ENPP3: variants seen among roughly 807,000 people sequenced by gnomAD.
ENPP3 encodes the protein ectonucleotide pyrophosphatase/phosphodiesterase family member 3.
ENPP3 carries 104 observed loss-of-function variants against 117.8 expected under a neutral mutation model. The observed-to-expected ratio is 0.88, with a 90% CI of 0.75 to 1.04. ENPP3 has a LOEUF of 1.04. Among genes scored for constraint, ENPP3 ranks in the 50% least tolerant of loss-of-function variants. The pLI is 0.00. For synonymous variants in ENPP3, 380 were observed against 349.9 expected (o/e 1.09, Z -0.96); for missense variants, 1,026 against 1,051.9 (o/e 0.98, Z 0.34).
At chr6:131,739,170 A>T (rs1780468481) in intron 23 of ENPP3, among the ~76,000 whole-genome samples, 1 of 152,256 alleles carries the variant, frequency 6.6e-6, no homozygotes, top group Non-Finnish European at 1.5e-5. Context: ...TGGTAAAGCC[A>T]GAATATGAAC....
intron 15 of ENPP3, among the ~76,000 whole-genome samples, chr6:131,701,894 A>AAAAG (rs779777076): frequency 1.4e-3 from 166 of 118,918 alleles, no homozygotes; most frequent in African/African-American, 3.9e-3. Flanking sequence ...GAAAAAAAAA[A>AAAAG]AAAAGAAAAG....
At chr6:131,737,949 T>C in intron 22 of ENPP3, 82 bp from the exon 23 acceptor site, 1 of 971,940 alleles carries the variant, frequency 1.0e-6, no homozygotes, top group Non-Finnish European at 1.5e-6. Context: ...TCATGTTATT[T>C]AAATGTACTT....
chr6:131,736,382 CAAAG>C lies in ENPP3; in HGVS notation c.2090-972_2090-969del, dbSNP rs1481938918. 2.6e-5 allele frequency among the ~76,000 whole-genome samples: 4 copies of C among 152,270 alleles called. No homozygotes were observed. The East Asian group carries it at 5.8e-4, about 22-fold the overall frequency. The stretch of plus-strand genomic sequence containing the variant: ...GATGCCTCACAATCATTAGGGAAGA[CAAAG>C]GAAGAGCAAAGAGATATCTTACATG... On this transcript the variant is annotated intron_variant, in intron 21 of 24. Coordinates refer to ENST00000357639, the MANE Select transcript of ENPP3 (RefSeq NM_005021.5).
Position 131,740,274 on chromosome 6 carries a change from T to C in ENPP3, c.2351T>C (p.Leu784Pro). Reference protein sequence around the residue: ...VPIPTHYFVVLTSCKNKSHTP... With the variant: ...VPIPTHYFVVPTSCKNKSHTP... ...ATCCCAACACACTACTTTGTGGTGC[T>C]GACCAGTTGTAAAAACAAGAGCCAC... The change falls in exon 24 of 25, where the codon CTG (leucine) becomes CCG (proline). Residue 784 changes from leucine (L) to proline (P), a missense_variant. Leu to Pro is a moderately conservative substitution (Grantham distance 98, BLOSUM62 -3). Transcript: ENST00000357639. 6.2e-7 allele frequency: 1 copy of C among 1,613,274 alleles called. No individual in the cohort carries two copies. Among genetic ancestry groups the C allele is most frequent in the Non-Finnish European group, 8.5e-7 (1 of 1,179,560 alleles).
At chr6:131,744,981 T>G (rs1487274018) in intron 24 of ENPP3, among the ~76,000 whole-genome samples, 1 of 152,170 alleles carries the variant, frequency 6.6e-6, no homozygotes, top group Non-Finnish European at 1.5e-5. Context: ...GTTAAATAGC[T>G]GAAGTATCGT....
chr6:131,684,168 C>T (rs1002507310), intron 12 of ENPP3, among the ~76,000 whole-genome samples: 54 of 152,224 alleles, frequency 3.5e-4, no homozygotes, highest in African/African-American at 1.3e-3. Context: ...TAAAGTCAAG[C>T]CCCAATATCT....
At chr6:131,725,974 G>A (rs1162290048) in intron 19 of ENPP3, 72 bp from the exon 20 acceptor site, 1 of 948,324 alleles carries the variant, frequency 1.1e-6, no homozygotes, top group African/African-American at 1.6e-5. Context: ...TTATTATATG[G>A]GTAGTTATTA....
At chr6:131,685,010 C>T (rs910539352) in intron 12 of ENPP3, among the ~76,000 whole-genome samples, 1 of 152,098 alleles carries the variant, frequency 6.6e-6, no homozygotes, top group Non-Finnish European at 1.5e-5. Context: ...GTCTTGAACT[C>T]CTGGCCTCAA....
chr6:131,651,728 T>C (rs1778267662), intron 3 of ENPP3, among the ~76,000 whole-genome samples: 1 of 152,194 alleles, frequency 6.6e-6, no homozygotes, highest in African/African-American at 2.4e-5. Flanking sequence ...TTCCATTATG[T>C]TCCCTGAAAA....
intron 14 of ENPP3, among the ~76,000 whole-genome samples, chr6:131,693,055 TTTATATATTATATATTATATATGG>T (rs1379620808): frequency 6.9e-6 from 1 of 145,910 alleles, no homozygotes; most frequent in Admixed American, 7.0e-5. Context: ...AATATATATG[TTTATATATTATATATTATATATGG>T]TTATATATTA....
intron 20 of ENPP3, among the ~76,000 whole-genome samples, chr6:131,727,114 A>C (rs915990646): frequency 1.3e-5 from 2 of 152,242 alleles, no homozygotes; most frequent in African/African-American, 4.8e-5. Flanking sequence ...ATGAGTATCC[A>C]GAACAGTAAT....
chr6:131,639,265 A>ATT (rs1554259595), intron 1 of ENPP3, among the ~76,000 whole-genome samples: 5,094 of 107,034 alleles, frequency 0.048, 169 homozygotes, highest in South Asian at 0.063. Context: ...ATATATATAT[A>ATT]TTTTTTTTTT....
intron 6 of ENPP3, among the ~76,000 whole-genome samples, chr6:131,667,706 G>A (rs1015719072): frequency 6.6e-6 from 1 of 152,218 alleles, no homozygotes; most frequent in Non-Finnish European, 1.5e-5. Context: ...TGGTTTCGAT[G>A]TAACTGGTGT....
chr6:131,685,832 G>A (rs776272676), intron 13 of ENPP3, 44 bp from the exon 14 acceptor site: 52 of 785,318 alleles, frequency 6.6e-5, no homozygotes, highest in South Asian at 1.3e-4. Flanking sequence ...GCATTTGTTC[G>A]TTATCAATTG....
chr6:131,738,065 A>G lies in ENPP3; in HGVS notation c.2202A>G (p.Ile734Met). The change falls in exon 23 of 25, where the codon ATA (isoleucine) becomes ATG (methionine). Residue 734 changes from isoleucine to methionine, a missense_variant. Transcript: ENST00000357639. ...MWDYFHSVLL[I>M]KHATERNGVN... ...ACTACTTCCACAGTGTTCTTCTTAT[A>G]AAACATGCCACAGAAAGAAATGGAG... 3 of 1,606,556 alleles carry G rather than the reference A, an allele frequency of 1.9e-6. No homozygotes were observed. Among genetic ancestry groups the G allele is most frequent in the Non-Finnish European group, 2.6e-6 (3 of 1,174,726 alleles).
chr6:131,728,420 A>G (rs773475021), intron 20 of ENPP3, among the ~76,000 whole-genome samples: 2 of 152,162 alleles, frequency 1.3e-5, no homozygotes, highest in African/African-American at 2.4e-5. Flanking sequence ...GTTTAATACA[A>G]TTCTTCTTTG....
chr6:131,737,318 T>G, intron 21 of ENPP3, 37 bp from the exon 22 acceptor site: 1 of 1,327,538 alleles, frequency 7.5e-7, no homozygotes, highest in South Asian at 1.2e-5. Flanking sequence ...ATATTTTCTC[T>G]TATAGCTAGA....
At chr6:131,661,304 T>C (rs1778494157) in intron 6 of ENPP3, among the ~76,000 whole-genome samples, 1 of 152,102 alleles carries the variant, frequency 6.6e-6, no homozygotes, top group Admixed American at 6.6e-5. Context: ...CATGCCATTT[T>C]CCATAGCAGC....
chr6:131,695,663 C>A (rs1270110127), intron 15 of ENPP3, among the ~76,000 whole-genome samples: 2 of 152,156 alleles, frequency 1.3e-5, no homozygotes, highest in Non-Finnish European at 2.9e-5. Flanking sequence ...CGCCTGTAAT[C>A]CCAGCTCTTT....
Sources: gnomAD v4.1 joint callset for allele counts (sites outside exome capture counted in the v4.1 genomes callset) on GRCh38, gnomAD v4.1.1 for gene constraint, MANE v1.5 for transcripts, NCBI Gene and HGNC (gene_info 2026-07-23, HGNC 2026-07-21) for gene names.